The following CRY1 variants were observed in gnomAD, a reference collection of about 807,000 sequenced individuals.
CRY1 encodes the protein cryptochrome-1.
In CRY1, 45 loss-of-function variants were observed where a neutral mutation model predicts 76.0. The ratio of observed to expected loss-of-function variants is 0.59; its 90% CI spans 0.47 to 0.76. The LOEUF (loss-of-function observed/expected upper bound fraction) is 0.76. Ranked by LOEUF, CRY1 falls within the 30% of genes least tolerant of loss-of-function variation. The probability of loss-of-function intolerance (pLI) is 0.00; values close to 1 mark genes in which losing one functional copy is unlikely to be tolerated. For synonymous variants in CRY1, 248 were observed against 244.0 expected, an observed-to-expected ratio of 1.02 and a Z score of -0.15; for missense variants, 587 against 716.4, an observed-to-expected ratio of 0.82 and a Z score of 2.06.
chr12:107,071,684 A>G (rs1205221340), intron 1 of CRY1, among the ~76,000 whole-genome samples: 3 of 152,174 alleles, frequency 2.0e-5, no homozygotes, highest in Non-Finnish European at 4.4e-5. Context: ...ACATCTAGCA[A>G]GTCGAAGAAA....
At chr12:107,083,319 G>A (rs1378282603) in intron 1 of CRY1, among the ~76,000 whole-genome samples, 4 of 152,076 alleles carry the variant, frequency 2.6e-5, no homozygotes, top group South Asian at 2.1e-4. Context: ...AGAAAAAGAC[G>A]GACTGCTCCC....
chr12:107,031,984 G>T (rs1257761537), intron 1 of CRY1, among the ~76,000 whole-genome samples: 1 of 152,152 alleles, frequency 6.6e-6, no homozygotes, highest in East Asian at 1.9e-4. Flanking sequence ...GCCCAGGATA[G>T]AGTGCAGTGG....
intron 2 of CRY1, among the ~76,000 whole-genome samples, chr12:107,006,587 T>C (rs1438993349): frequency 6.6e-6 from 1 of 151,192 alleles, no homozygotes; most frequent in Non-Finnish European, 1.5e-5. Flanking sequence ...CCATCAGCAG[T>C]GCACCTAAGG....
At chr12:107,085,647 C>T (rs949518248) in intron 1 of CRY1, among the ~76,000 whole-genome samples, 1 of 151,972 alleles carries the variant, frequency 6.6e-6, no homozygotes, top group African/African-American at 2.4e-5. Flanking sequence ...ACAGCACATA[C>T]CGGGGCCTGC....
chr12:107,014,567 CTTTAT>C (rs763746489), intron 2 of CRY1, among the ~76,000 whole-genome samples: 9 of 130,602 alleles, frequency 6.9e-5, no homozygotes, highest in African/African-American at 2.6e-5. Context: ...TCCCGTTCCT[CTTTAT>C]TTTTTGTTTT....
chr12:107,025,729 T>C (rs1490153318), intron 1 of CRY1, among the ~76,000 whole-genome samples: 1 of 152,142 alleles, frequency 6.6e-6, no homozygotes, highest in Non-Finnish European at 1.5e-5. Context: ...TTATATGCAA[T>C]TCCAGATCTT....
intron 2 of CRY1, among the ~76,000 whole-genome samples, chr12:107,012,244 G>C (rs114401802): frequency 0.023 from 3,482 of 152,270 alleles, 48 homozygotes; most frequent in African/African-American, 0.039. Context: ...TCAAAGGACA[G>C]GCTGACTTTC....
At chr12:107,074,352 G>T (rs1953224614) in intron 1 of CRY1, among the ~76,000 whole-genome samples, 2 of 152,130 alleles carry the variant, frequency 1.3e-5, no homozygotes, top group South Asian at 4.1e-4. Flanking sequence ...TTTAACTCCT[G>T]CTGGCCTACA....
chr12:107,004,587 G>A (rs1952348475), intron 3 of CRY1, among the ~76,000 whole-genome samples: 1 of 151,990 alleles, frequency 6.6e-6, no homozygotes, highest in Non-Finnish European at 1.5e-5. Flanking sequence ...ATACACTTTG[G>A]GAAATATTCT....
chr12:107,074,622 A>G (rs1953228037), intron 1 of CRY1, among the ~76,000 whole-genome samples: 1 of 152,220 alleles, frequency 6.6e-6, no homozygotes, highest in African/African-American at 2.4e-5. Flanking sequence ...CTATCGTTAT[A>G]TCTTTTATAA....
At chr12:107,026,318 A>C (rs1241203189) in intron 1 of CRY1, among the ~76,000 whole-genome samples, 1 of 150,448 alleles carries the variant, frequency 6.6e-6, no homozygotes, top group Non-Finnish European at 1.5e-5. Flanking sequence ...TGCAGCCTCC[A>C]CCTCCCAGGT....
At chr12:107,065,411 G>A (rs144946624) in intron 1 of CRY1, among the ~76,000 whole-genome samples, 3 of 152,248 alleles carry the variant, frequency 2.0e-5, no homozygotes, top group Non-Finnish European at 2.9e-5. Context: ...TGGCTAACAC[G>A]GTGAAACCTT....
chr12:107,078,519 T>C (rs1022362732), intron 1 of CRY1, among the ~76,000 whole-genome samples: 5 of 152,158 alleles, frequency 3.3e-5, no homozygotes, highest in African/African-American at 1.2e-4. Context: ...TAGTATTCGC[T>C]GAGTTTTTTC....
chr12:107,022,171 C>T lies in CRY1; in HGVS notation c.180G>A (p.Glu60=). ...ATTTTCGTAGATTGGCATCAAGATC[C>T]TCAAGACACTGAAGCAAAAATCTAG... ...NRWRFLLQCL[E]DLDANLRKLN... Residue 60 remains glutamate, a synonymous_variant, in exon 2 of 13, where the codon GAG becomes GAA. Coordinates refer to ENST00000008527, the MANE Select transcript of CRY1 (RefSeq NM_004075.5). 2 of 1,591,504 alleles carry T rather than the reference C, an allele frequency of 1.3e-6. No homozygotes were observed. Among genetic ancestry groups the T allele is most frequent in the Non-Finnish European group, 1.7e-6 (2 of 1,168,742 alleles).
At chr12:107,028,993 T>C (rs1952646962) in intron 1 of CRY1, among the ~76,000 whole-genome samples, 1 of 152,234 alleles carries the variant, frequency 6.6e-6, no homozygotes. Context: ...TTCAGACAAT[T>C]ATGAATAAGT....
In CRY1 at chr12:106,997,572, T is replaced by C; in HGVS notation, c.1408A>G (p.Met470Val). The C allele has an allele frequency of 3.7e-6, 6 of 1,614,170 alleles. No homozygotes were observed. Among genetic ancestry groups the C allele is most frequent in the Non-Finnish European group, 5.1e-6 (6 of 1,180,002 alleles). The change falls in exon 9 of 13, where the codon ATG becomes GTG. Residue 470 changes from methionine (M) to valine (V), a missense_variant. By Grantham distance (21) the Met-to-Val change is conservative. Transcript: ENST00000008527. ...CLIGVNYPKPMVNHAEASRLN... is the reference protein window; with the variant it reads ...CLIGVNYPKPVVNHAEASRLN... ...CGGCTTGCCTCAGCATGGTTCACCA[T>C]TGGTTTAGGATAATTAACTCCTATC...
intron 1 of CRY1, among the ~76,000 whole-genome samples, chr12:107,075,873 A>G (rs1047747630): frequency 1.3e-5 from 2 of 152,160 alleles, no homozygotes; most frequent in East Asian, 3.9e-4. Flanking sequence ...AGCTCTAACA[A>G]TTGTTTTAGG....
intron 1 of CRY1, among the ~76,000 whole-genome samples, chr12:107,088,031 C>A (rs1229610269): frequency 6.6e-6 from 1 of 151,906 alleles, no homozygotes; most frequent in African/African-American, 2.4e-5. Context: ...AGAGTGATAC[C>A]CCGTCTCAAA....
chr12:107,054,835 G>A (rs537899209), intron 1 of CRY1, among the ~76,000 whole-genome samples: 7 of 151,892 alleles, frequency 4.6e-5, no homozygotes, highest in South Asian at 2.1e-4. Flanking sequence ...TCCACACCTC[G>A]TAATGATAAG....
Sources: gnomAD v4.1 joint callset for allele counts (sites outside exome capture counted in the v4.1 genomes callset) on GRCh38, gnomAD v4.1.1 for gene constraint, MANE v1.5 for transcripts, NCBI Gene and HGNC (gene_info 2026-07-23, HGNC 2026-07-21) for gene names.